Variants in TANGO6 observed in about 807,000 individuals in gnomAD.
TANGO6 encodes the protein transport and Golgi organization protein 6 homolog.
Under a neutral mutation model 114.2 loss-of-function variants are expected in TANGO6, and 90 were observed. The observed-to-expected ratio is 0.79, with a 90% confidence interval of 0.66 to 0.94. The LOEUF (loss-of-function observed/expected upper bound fraction) is 0.94, where lower values mean the gene tolerates loss of function less well. Ranked by LOEUF, TANGO6 falls within the 40% of genes least tolerant of loss-of-function variation. The pLI is 0.00. For missense variants in TANGO6, 1,274 were observed against 1,315.3 expected, an observed-to-expected ratio of 0.97 and a Z score of 0.49; for synonymous variants, 477 against 509.8, an observed-to-expected ratio of 0.94 and a Z score of 0.87.
intron 16 of TANGO6, chr16:69,035,008 C>T (rs1328993760): frequency 6.6e-6 from 1 of 152,062 alleles, no homozygotes; most frequent in East Asian, 1.9e-4. Context: ...GGCCTGTCCT[C>T]ACTACAGCAA....
chr16:68,974,630 C>T (rs1002896219), intron 15 of TANGO6, among the ~76,000 whole-genome samples: 2 of 152,124 alleles, frequency 1.3e-5, no homozygotes, highest in African/African-American at 2.4e-5. Context: ...CACTGTGCTC[C>T]AGCCTGGGCG....
chr16:69,078,991 G>C (rs920812997), intron 17 of TANGO6, among the ~76,000 whole-genome samples: 8 of 150,120 alleles, frequency 5.3e-5, no homozygotes, highest in Non-Finnish European at 5.9e-5. Context: ...TGATCTGCCC[G>C]TCTCGGCTAC....
At chr16:68,901,107 G>A (rs1223978895) in intron 8 of TANGO6, among the ~76,000 whole-genome samples, 5 of 152,096 alleles carry the variant, frequency 3.3e-5, no homozygotes, top group Non-Finnish European at 7.4e-5. Flanking sequence ...CTTCCTCCAG[G>A]TAAGAGTTAT....
rs370195026 is a variant in TANGO6 at position 69,012,510 on chromosome 16, C to T, written c.2843-10318C>T. On this transcript the variant is annotated intron_variant, in intron 15 of 17. Transcript: ENST00000261778. ...GGTGGAGGTTGCAGGAAGCCAAGAT[C>T]GTGCCATTGCACTCCAGCCTGGGCA... 3.1e-5 allele frequency among the ~76,000 whole-genome samples: 4 copies of T among 131,026 alleles called. No homozygotes were observed. In the East Asian group the frequency reaches 7.0e-4, roughly 23 times the overall value. The allele number at this position is 131,026 out of a possible 152,430, so 86.0% of individuals were successfully genotyped here.
chr16:68,886,518 T>C (rs1296929585), intron 7 of TANGO6, among the ~76,000 whole-genome samples: 1 of 151,972 alleles, frequency 6.6e-6, no homozygotes, highest in East Asian at 1.9e-4. Context: ...CTCCATACTT[T>C]TTTTTTTGAG....
Position 68,927,689 on chromosome 16 carries a change from C to A in TANGO6, c.2249C>A (p.Thr750Asn). The A allele has an allele frequency of 6.2e-7, 1 of 1,613,966 alleles. No individual in the cohort carries two copies. ...GTTGATCTCCGCATCACCATCTCTACCCATGGAGCCTTTGCCACTGAGGCC... is the reference window on the plus strand; with the variant it reads ...GTTGATCTCCGCATCACCATCTCTAACCATGGAGCCTTTGCCACTGAGGCC... Reference protein sequence around the residue: ...LAVDLRITISTHGAFATEAVS... With the variant: ...LAVDLRITISNHGAFATEAVS... Residue 750 changes from threonine to asparagine, a missense_variant, in exon 13 of 18, where the codon ACC becomes AAC. Thr to Asn is a moderately conservative substitution (Grantham distance 65, BLOSUM62 0). Around this residue, in one of 5 missense-constraint regions of TANGO6, gnomAD observed 908 missense variants for 910.2 expected, o/e 1.00. Transcript: ENST00000261778.
At chr16:68,991,638 A>G (rs922322772) in intron 15 of TANGO6, among the ~76,000 whole-genome samples, 2 of 151,836 alleles carry the variant, frequency 1.3e-5, no homozygotes, top group South Asian at 4.2e-4. Context: ...GTGAGATTTC[A>G]TCGATAAATA....
chr16:68,917,919 A>T (rs1597018960), intron 11 of TANGO6, among the ~76,000 whole-genome samples: 2 of 137,434 alleles, frequency 1.5e-5, no homozygotes, highest in Non-Finnish European at 3.1e-5. Context: ...TGCCTGGCTA[A>T]TTTTTTTTTT....
intron 14 of TANGO6, among the ~76,000 whole-genome samples, chr16:68,957,514 C>T (rs1175105913): frequency 3.3e-5 from 5 of 151,556 alleles, no homozygotes; most frequent in Non-Finnish European, 5.9e-5. Context: ...TCTCGTGCCT[C>T]GGCCTCCTGA....
intron 3 of TANGO6, among the ~76,000 whole-genome samples, chr16:68,864,704 GA>G (rs1388591593): frequency 6.6e-6 from 1 of 152,180 alleles, no homozygotes; most frequent in African/African-American, 2.4e-5. Flanking sequence ...CTCATCCTTA[GA>G]ATCTTACTGT....
intron 15 of TANGO6, among the ~76,000 whole-genome samples, chr16:68,985,813 C>A (rs886735148): frequency 6.6e-6 from 1 of 152,238 alleles, no homozygotes; most frequent in African/African-American, 2.4e-5. Flanking sequence ...CTGCTAATAT[C>A]TCATAGAGAA....
chr16:68,985,528 G>A (rs1431134777), intron 15 of TANGO6, among the ~76,000 whole-genome samples: 4 of 152,042 alleles, frequency 2.6e-5, no homozygotes, highest in African/African-American at 9.7e-5. Flanking sequence ...TGGACAACAT[G>A]ACGAAACCCC....
intron 14 of TANGO6, among the ~76,000 whole-genome samples, chr16:68,953,615 G>A (rs1047949797): frequency 6.6e-6 from 1 of 152,108 alleles, no homozygotes; most frequent in African/African-American, 2.4e-5. Context: ...AACTTTACTA[G>A]ATAAAGGGTG....
At chr16:69,069,690 A>T (rs1387380850) in intron 17 of TANGO6, among the ~76,000 whole-genome samples, 1 of 152,134 alleles carries the variant, frequency 6.6e-6, no homozygotes, top group Non-Finnish European at 1.5e-5. Context: ...CCACAAAGGG[A>T]GTCACAATTG....
chr16:69,083,466 G>A lies in TANGO6; in HGVS notation c.3109-19G>A. 7 of 1,598,348 alleles carry A rather than the reference G, an allele frequency of 4.4e-6. No homozygotes were observed. Among genetic ancestry groups the A allele is most frequent in the Non-Finnish European group, 1.7e-6 (2 of 1,171,314 alleles). On this transcript the variant is annotated intron_variant, in intron 17 of 17. Coordinates refer to ENST00000261778, the MANE Select transcript of TANGO6 (RefSeq NM_024562.2). The stretch of plus-strand genomic sequence containing the variant: ...GCCGGCACAGTAGACAGGCGGTCAT[G>A]GCTGTCTCTCTCATGCAGGTGCTGA...
chr16:69,072,723 A>T (rs1960315620), intron 17 of TANGO6, among the ~76,000 whole-genome samples: 1 of 152,198 alleles, frequency 6.6e-6, no homozygotes. Context: ...AAAAACAGAG[A>T]TCCGGTAACT....
chr16:68,888,161 T>C (rs1962563954), intron 7 of TANGO6, among the ~76,000 whole-genome samples: 1 of 152,188 alleles, frequency 6.6e-6, no homozygotes. Context: ...GTACCTTCTA[T>C]CTGGTAAAAT....
intron 2 of TANGO6, among the ~76,000 whole-genome samples, chr16:68,862,155 A>G (rs1962102065): frequency 6.6e-6 from 1 of 151,860 alleles, no homozygotes; most frequent in Non-Finnish European, 1.5e-5. Flanking sequence ...CTCCTGCCTC[A>G]GCCTCCCGAG....
chr16:69,049,620 C>T (rs1048683133), intron 17 of TANGO6, among the ~76,000 whole-genome samples: 7 of 151,724 alleles, frequency 4.6e-5, no homozygotes, highest in Non-Finnish European at 8.8e-5. Flanking sequence ...TTAGTAGAGA[C>T]GGGATTTCAC....
Sources: allele counts gnomAD v4.1 joint callset (sites outside exome capture counted in the v4.1 genomes callset), GRCh38; gene constraint gnomAD v4.1.1; regional missense constraint gnomAD v4.1.1; transcripts MANE v1.5; gene names NCBI Gene and HGNC (gene_info 2026-07-23, HGNC 2026-07-21).